The following TTC12 variants were observed in gnomAD, a reference collection of about 807,000 sequenced individuals.
TTC12 encodes tetratricopeptide repeat domain 12, also known as tetratricopeptide repeat protein 12.
A neutral mutation model predicts 90.1 loss-of-function variants in TTC12; 70 were observed. That is an observed-to-expected ratio of 0.78 (90% CI 0.64 to 0.95). TTC12 has a LOEUF of 0.95. Among genes scored for constraint, TTC12 ranks in the 40% least tolerant of loss-of-function variants. TTC12 has a pLI of 0.00. For missense variants in TTC12, 819 were observed against 846.1 expected, an observed-to-expected ratio of 0.97 and a Z score of 0.40; for synonymous variants, 296 against 311.5, an observed-to-expected ratio of 0.95 and a Z score of 0.53.
At chr11:113,315,666 A>G (rs1946890722) in intron 1 of TTC12, among the ~76,000 whole-genome samples, 2 of 152,212 alleles carry the variant, frequency 1.3e-5, no homozygotes, top group South Asian at 2.1e-4. Flanking sequence ...CTGTAAAATA[A>G]TATCTGAGGT....
intron 2 of TTC12, among the ~76,000 whole-genome samples, chr11:113,319,678 GAA>G (rs142673385): frequency 1.9e-4 from 27 of 139,788 alleles, no homozygotes; most frequent in East Asian, 2.1e-4. Context: ...AACTCTGCAG[GAA>G]AAAAAAAAAA....
downstream of TTC12, among the ~76,000 whole-genome samples, chr11:113,370,957 C>T (rs2138101434): frequency 6.6e-6 from 1 of 152,244 alleles, no homozygotes; most frequent in South Asian, 2.1e-4. Flanking sequence ...AACAAGCACA[C>T]ACATACACAC....
chr11:113,355,251 T>C (rs998938548), intron 16 of TTC12, among the ~76,000 whole-genome samples: 1 of 152,206 alleles, frequency 6.6e-6, no homozygotes, highest in Non-Finnish European at 1.5e-5. Context: ...TGCATAGAGG[T>C]GTTCATAATA....
At chr11:113,343,982 G>A (rs782171733) in intron 12 of TTC12, among the ~76,000 whole-genome samples, 4 of 152,164 alleles carry the variant, frequency 2.6e-5, no homozygotes, top group Admixed American at 6.5e-5. Flanking sequence ...GTCCCTGTCT[G>A]GCACAGTCAT....
chr11:113,338,654 C>G (rs1252713719), intron 8 of TTC12, 120 bp from the exon 9 acceptor site: 2 of 703,152 alleles, frequency 2.8e-6, no homozygotes, highest in African/African-American at 1.8e-5. Flanking sequence ...GTCTCCTGCA[C>G]TGGGAGCAGG....
chr11:113,345,951 C>T (rs1332804213), intron 13 of TTC12, among the ~76,000 whole-genome samples: 2 of 152,054 alleles, frequency 1.3e-5, no homozygotes, highest in African/African-American at 4.8e-5. Context: ...GTCAGAGAAA[C>T]CTCAGCTTTT....
intron 16 of TTC12, among the ~76,000 whole-genome samples, chr11:113,357,194 T>A (rs1355262877): frequency 6.6e-6 from 1 of 152,216 alleles, no homozygotes; most frequent in Non-Finnish European, 1.5e-5. Flanking sequence ...GCTCTGAGAT[T>A]ATTTCCTCTG....
At chr11:113,363,653 ACT>A (rs1950056016) in intron 19 of TTC12, among the ~76,000 whole-genome samples, 173 bp from the exon 20 acceptor site, 1 of 152,108 alleles carries the variant, frequency 6.6e-6, no homozygotes, top group Non-Finnish European at 1.5e-5. Context: ...TGCGGGTGAC[ACT>A]CTGTTCCAGC....
Position 113,350,084 on chromosome 11 carries a change from C to A in TTC12, c.1166C>A (p.Ala389Glu). 1 of 1,613,552 alleles carries A rather than the reference C, an allele frequency of 6.2e-7. No individual in the cohort carries two copies. The highest frequency in any genetic ancestry group is 8.5e-7 in the Non-Finnish European group (1 of 1,179,532). Residue 389 changes from alanine to glutamate, a missense_variant, in exon 14 of 22, where the codon GCG (alanine) becomes GAG (glutamate). Physicochemically the swap from Ala to Glu is moderately radical, Grantham distance 107. Transcript: ENST00000529221. ...NHLDLTRLLE[A>E]LVSFLDFSDK... ...ATGGTTTTTTGCAGATTATTGGAAG[C>A]GCTGGTGTCATTTCTTGATTTCTCG... is the stretch of plus-strand genomic sequence containing the variant.
intron 21 of TTC12, 116 bp downstream of exon 21, chr11:113,365,176 T>G (rs1950143343): frequency 1.1e-6 from 1 of 927,070 alleles, no homozygotes; most frequent in East Asian, 2.6e-5. Flanking sequence ...GCCCTCATGC[T>G]TTCTGTGCAG....
chr11:113,327,421 AC>A (rs45548337), intron 6 of TTC12, among the ~76,000 whole-genome samples: 25,067 of 152,118 alleles, frequency 0.16, 2,478 homozygotes, highest in East Asian at 0.45. Context: ...CTTAATAAGG[AC>A]CCTGTAAATT....
At chr11:113,344,465 C>T (rs1948841714) in intron 13 of TTC12, 25 bp downstream of exon 13, 1 of 1,602,334 alleles carries the variant, frequency 6.2e-7, no homozygotes, top group Admixed American at 1.7e-5. Context: ...GCAGGATCTT[C>T]CTGGGACATC....
chr11:113,361,005 C>T (rs2138071781), intron 18 of TTC12, among the ~76,000 whole-genome samples: 2 of 152,272 alleles, frequency 1.3e-5, no homozygotes, highest in South Asian at 4.1e-4. Context: ...TACACTAGTG[C>T]CTGAGTAAAC....
chr11:113,371,358 T>G (rs1412901075), downstream of TTC12: 1 of 152,264 alleles, frequency 6.6e-6, no homozygotes, highest in Non-Finnish European at 1.5e-5. Context: ...TATACTGTAT[T>G]TCTTAAAATT....
intron 13 of TTC12, among the ~76,000 whole-genome samples, chr11:113,348,755 C>T (rs1949106098): frequency 6.6e-6 from 1 of 152,228 alleles, no homozygotes; most frequent in African/African-American, 2.4e-5. Context: ...GAATCTGTCC[C>T]AGAGACCCCC....
At chr11:113,341,765 TAAAAC>T in intron 11 of TTC12, 67 bp from the exon 12 acceptor site, 2 of 1,262,644 alleles carry the variant, frequency 1.6e-6, no homozygotes, top group Non-Finnish European at 2.3e-6. Context: ...AGGGGTGAAA[TAAAAC>T]CAAATGGAAA....
At chr11:113,336,091 A>C (rs1948356247) in intron 8 of TTC12, among the ~76,000 whole-genome samples, 1 of 151,848 alleles carries the variant, frequency 6.6e-6, no homozygotes, top group African/African-American at 2.4e-5. Flanking sequence ...CTTGTTACTT[A>C]TTTTTTTATT....
At chr11:113,329,403 T>C (rs782390031) in intron 6 of TTC12, among the ~76,000 whole-genome samples, 47 of 152,242 alleles carry the variant, frequency 3.1e-4, no homozygotes, top group Non-Finnish European at 5.6e-4. Context: ...GATCCTTCCC[T>C]GCTTTGTGCC....
chr11:113,355,597 G>C (rs997485947), intron 16 of TTC12, among the ~76,000 whole-genome samples: 3 of 151,964 alleles, frequency 2.0e-5, no homozygotes, highest in Non-Finnish European at 4.4e-5. Context: ...TATCTGTTAG[G>C]GCATTTAGTG....
Sources: allele counts gnomAD v4.1 joint callset (sites outside exome capture counted in the v4.1 genomes callset), GRCh38; gene constraint gnomAD v4.1.1; transcripts MANE v1.5; gene names NCBI Gene and HGNC (gene_info 2026-07-23, HGNC 2026-07-21).